METTL25: variants seen among roughly 807,000 people sequenced by gnomAD.
METTL25 encodes probable methyltransferase-like protein 25.
METTL25 carries 64 observed loss-of-function variants against 71.6 expected under a neutral mutation model. That is an observed-to-expected ratio of 0.89 (90% confidence interval 0.73 to 1.10). METTL25 has a LOEUF of 1.10. Among genes scored for constraint, METTL25 ranks in the 50% least tolerant of loss-of-function variants. The pLI is 0.00. For synonymous variants in METTL25, 287 were observed against 250.3 expected, an observed-to-expected ratio of 1.15 and a Z score of -1.38; for missense variants, 807 against 707.0, an observed-to-expected ratio of 1.14 and a Z score of -1.60.
intron 5 of METTL25, among the ~76,000 whole-genome samples, chr12:82,421,619 T>C (rs1162617617): frequency 6.6e-6 from 1 of 150,644 alleles, no homozygotes; most frequent in Non-Finnish European, 1.5e-5. Context: ...TTCAAAAAAA[T>C]AAAGATCAAC....
chr12:82,360,484 C>T (rs1592565951), intron 1 of METTL25, among the ~76,000 whole-genome samples: 1 of 151,114 alleles, frequency 6.6e-6, no homozygotes, highest in East Asian at 1.9e-4. Context: ...AAAAAGTATA[C>T]TAGATAAGGG....
At chr12:82,419,649 A>C (rs2137093440) in intron 5 of METTL25, among the ~76,000 whole-genome samples, 1 of 151,734 alleles carries the variant, frequency 6.6e-6, no homozygotes, top group South Asian at 2.1e-4. Context: ...GCAAATTAAA[A>C]CCACAATGAA....
intron 4 of METTL25, among the ~76,000 whole-genome samples, chr12:82,400,702 T>G (rs572276516): frequency 6.6e-6 from 1 of 152,256 alleles, no homozygotes; most frequent in Admixed American, 6.5e-5. Flanking sequence ...AAATAAGATA[T>G]ACTGGAAGAA....
At chr12:82,387,530 T>C (rs1185334825) in intron 2 of METTL25, among the ~76,000 whole-genome samples, 1 of 152,084 alleles carries the variant, frequency 6.6e-6, no homozygotes, top group Non-Finnish European at 1.5e-5. Context: ...TCTTTTATCT[T>C]ACACAAACCT....
intron 3 of METTL25, among the ~76,000 whole-genome samples, chr12:82,396,470 T>A (rs1165340905): frequency 6.6e-6 from 1 of 152,072 alleles, no homozygotes; most frequent in Middle Eastern, 3.2e-3. Context: ...CTTGAGTGGC[T>A]CATACTTATG....
chr12:82,472,523 G>C (rs1488345329), intron 9 of METTL25, among the ~76,000 whole-genome samples: 1 of 152,144 alleles, frequency 6.6e-6, no homozygotes. Flanking sequence ...GCTTGAACCT[G>C]GGAGGCGGAG....
At chr12:82,460,655 C>T (rs1365513086) in intron 9 of METTL25, among the ~76,000 whole-genome samples, 1 of 152,196 alleles carries the variant, frequency 6.6e-6, no homozygotes, top group Admixed American at 6.5e-5. Context: ...ATCAGTACTT[C>T]TCAAAACTGT....
At chr12:82,373,385 G>A (rs1883476436) in intron 1 of METTL25, among the ~76,000 whole-genome samples, 2 of 152,094 alleles carry the variant, frequency 1.3e-5, no homozygotes, top group East Asian at 1.9e-4. Flanking sequence ...CCTACAATGG[G>A]GCTTTGGGCA....
intron 1 of METTL25, among the ~76,000 whole-genome samples, chr12:82,360,996 C>G (rs1881783221): frequency 6.6e-6 from 1 of 152,120 alleles, no homozygotes; most frequent in Admixed American, 6.5e-5. Flanking sequence ...GAGAGAGCAG[C>G]AGCAAGATTT....
chr12:82,452,498 G>A (rs750460798), intron 8 of METTL25, among the ~76,000 whole-genome samples: 1 of 152,114 alleles, frequency 6.6e-6, no homozygotes, highest in Non-Finnish European at 1.5e-5. Flanking sequence ...GCAGGACCCT[G>A]TTTCTAAATT....
intron 1 of METTL25, among the ~76,000 whole-genome samples, chr12:82,364,902 T>G (rs1377280897): frequency 6.6e-6 from 1 of 152,220 alleles, no homozygotes; most frequent in African/African-American, 2.4e-5. Flanking sequence ...TGCAACTAAA[T>G]TATAAACTAT....
At chr12:82,403,210 G>T in intron 5 of METTL25, 80 bp downstream of exon 5, 19 of 1,376,878 alleles carry the variant, frequency 1.4e-5, no homozygotes, top group Non-Finnish European at 1.6e-5. Context: ...ATTTCTCCCC[G>T]TTTTTTCGTC....
At chr12:82,360,549 C>T (rs550356035) in intron 1 of METTL25, among the ~76,000 whole-genome samples, 2 of 151,670 alleles carry the variant, frequency 1.3e-5, no homozygotes, top group African/African-American at 2.4e-5. Flanking sequence ...GTAAGTTGTC[C>T]TGGCAAGACC....
At chr12:82,416,118 TG>T (rs1420017605) in intron 5 of METTL25, among the ~76,000 whole-genome samples, 1 of 152,136 alleles carries the variant, frequency 6.6e-6, no homozygotes, top group Non-Finnish European at 1.5e-5. Flanking sequence ...ATTTATGGAA[TG>T]AATTAGTTAA....
chr12:82,474,007 G>A (rs532255062), intron 9 of METTL25, among the ~76,000 whole-genome samples: 1 of 152,272 alleles, frequency 6.6e-6, no homozygotes, highest in African/African-American at 2.4e-5. Flanking sequence ...AGATGGCTCT[G>A]TGCTGTAGAA....
At chr12:82,359,862 A>G (rs1881583543) in intron 1 of METTL25, among the ~76,000 whole-genome samples, 1 of 152,246 alleles carries the variant, frequency 6.6e-6, no homozygotes, top group Admixed American at 6.5e-5. Flanking sequence ...TCTGAATGCA[A>G]AGCATCACTA....
chr12:82,448,782 A>C (rs1171972692), intron 8 of METTL25, among the ~76,000 whole-genome samples: 3 of 149,146 alleles, frequency 2.0e-5, no homozygotes, highest in Non-Finnish European at 3.0e-5. Flanking sequence ...GATTTTTTGG[A>C]GCTCCCTTAA....
chr12:82,451,590 T>C (rs1314110374), intron 8 of METTL25, among the ~76,000 whole-genome samples: 1 of 152,192 alleles, frequency 6.6e-6, no homozygotes, highest in Non-Finnish European at 1.5e-5. Context: ...CATGCTTACT[T>C]GTTCATACAA....
At chr12:82,433,541 C>A (rs1375516762) in intron 6 of METTL25, among the ~76,000 whole-genome samples, 1 of 151,544 alleles carries the variant, frequency 6.6e-6, no homozygotes, top group African/African-American at 2.4e-5. Context: ...GCAATGAACT[C>A]TTTTTCCCAC....
Sources: allele counts gnomAD v4.1 joint callset (sites outside exome capture counted in the v4.1 genomes callset), GRCh38; gene constraint gnomAD v4.1.1; transcripts MANE v1.5; gene names NCBI Gene and HGNC (gene_info 2026-07-23, HGNC 2026-07-21).